The following CRADD variants were observed in gnomAD, a reference collection of about 807,000 sequenced individuals.
CRADD encodes CARD and death domain containing adaptor protein, also known as death domain-containing protein CRADD.
CRADD carries 9 observed loss-of-function variants against 15.5 expected under a neutral mutation model. That is an observed-to-expected ratio of 0.58 (90% confidence interval 0.35 to 1.01). The LOEUF (loss-of-function observed/expected upper bound fraction) is 1.01, where lower values mean the gene tolerates loss of function less well. Ranked by LOEUF, CRADD falls within the 50% of genes least tolerant of loss-of-function variation. The pLI is 0.02. For synonymous variants in CRADD, 118 were observed against 107.6 expected, an observed-to-expected ratio of 1.10 and a Z score of -0.60; for missense variants, 227 against 250.3, an observed-to-expected ratio of 0.91 and a Z score of 0.63.
chr12:93,709,630 A>T (rs1162764315), intron 2 of CRADD, among the ~76,000 whole-genome samples: 3 of 152,228 alleles, frequency 2.0e-5, no homozygotes, highest in Non-Finnish European at 4.4e-5. Flanking sequence ...TCCATGGTGC[A>T]TATGTACCAC....
chr12:93,693,780 G>A (rs1438028016), intron 2 of CRADD, among the ~76,000 whole-genome samples: 4 of 151,940 alleles, frequency 2.6e-5, no homozygotes, highest in African/African-American at 9.7e-5. Context: ...TCCATCCAAT[G>A]GTATCAAGAA....
At chr12:93,831,600 A>G (rs942617730) in intron 2 of CRADD, among the ~76,000 whole-genome samples, 2 of 152,196 alleles carry the variant, frequency 1.3e-5, no homozygotes, top group Non-Finnish European at 2.9e-5. Flanking sequence ...GTTTTAAATT[A>G]CTCTCTTAAA....
intron 2 of CRADD, among the ~76,000 whole-genome samples, chr12:93,703,978 C>CTTTTTTTTTTTTTT (rs71071759): frequency 1.1e-5 from 1 of 90,270 alleles, no homozygotes; most frequent in Non-Finnish European, 2.2e-5. Context: ...TGGAGCCTTT[C>CTTTTTTTTTTTTTT]TTTTTTTTTT....
intron 2 of CRADD, chr12:93,816,051 T>C (rs1198792198): frequency 6.6e-6 from 1 of 152,244 alleles, no homozygotes; most frequent in South Asian, 2.1e-4. Context: ...GAGCCACATA[T>C]GTGGTTTACA....
intron 2 of CRADD, among the ~76,000 whole-genome samples, chr12:93,830,394 G>A (rs1255444456): frequency 6.6e-6 from 1 of 152,152 alleles, no homozygotes; most frequent in Non-Finnish European, 1.5e-5. Context: ...ATAAAAGAAG[G>A]TAGCAGGTAG....
intron 1 of CRADD, 21 bp from the exon 2 acceptor site, chr12:93,678,748 T>A: frequency 6.3e-7 from 1 of 1,599,260 alleles, no homozygotes; most frequent in East Asian, 2.2e-5. Flanking sequence ...TAATTTGAGC[T>A]GTGATTTTGG....
chr12:93,708,147 T>C (rs2136853710), intron 2 of CRADD: 1 of 152,326 alleles, frequency 6.6e-6, no homozygotes, highest in East Asian at 1.9e-4. Context: ...TGCCAGGCCC[T>C]GGGAATACAG....
intron 2 of CRADD, among the ~76,000 whole-genome samples, chr12:93,827,947 A>G (rs982566571): frequency 3.3e-5 from 5 of 152,156 alleles, no homozygotes; most frequent in Admixed American, 6.5e-5. Flanking sequence ...GAGTTTGACT[A>G]TATTAGATAC....
rs370306284 is a variant in CRADD at position 93,717,987 on chromosome 12, GT to G, written c.298+38918del. Among the ~76,000 whole-genome samples, 129 of 152,184 alleles carry G rather than the reference GT, an allele frequency of 8.5e-4. 1 individual carries two copies. The highest frequency in any genetic ancestry group is 2.6e-3 in the African/African-American group (109 of 41,522). ...CCATTGTCAAAGATCACTTAACTTTGTTTATGTGAGTTTAGTTTTGGGTTCT... is the reference window on the plus strand; with the variant it reads ...CCATTGTCAAAGATCACTTAACTTTGTTATGTGAGTTTAGTTTTGGGTTCT... On this transcript the variant is annotated intron_variant, in intron 2 of 2. Transcript: ENST00000332896.
intron 2 of CRADD, among the ~76,000 whole-genome samples, chr12:93,727,282 C>T (rs1956385321): frequency 1.3e-5 from 2 of 152,192 alleles, no homozygotes; most frequent in Non-Finnish European, 2.9e-5. Flanking sequence ...CCTTCTTCCT[C>T]CATGCCTGGC....
intron 2 of CRADD, among the ~76,000 whole-genome samples, chr12:93,875,809 T>A (rs1245830544): frequency 6.6e-6 from 1 of 152,166 alleles, no homozygotes; most frequent in Non-Finnish European, 1.5e-5. Context: ...TATTGGTTCA[T>A]CATTTAGTCT....
intron 2 of CRADD, among the ~76,000 whole-genome samples, chr12:93,751,030 C>T (rs1956823041): frequency 6.6e-6 from 1 of 152,176 alleles, no homozygotes; most frequent in African/African-American, 2.4e-5. Context: ...GGTAACTTGC[C>T]TGTGTCTACT....
chr12:93,844,223 A>G (rs1360860947), intron 2 of CRADD, among the ~76,000 whole-genome samples: 1 of 152,230 alleles, frequency 6.6e-6, no homozygotes, highest in Non-Finnish European at 1.5e-5. Context: ...TTTGAGAAGT[A>G]GTAGCCAGAT....
rs114720531 is a variant in CRADD, at chr12:93,801,814, C to T, written c.299-48156C>T. 5.3e-3 allele frequency among the ~76,000 whole-genome samples: 813 copies of T among 152,274 alleles called. 7 individuals are homozygous for T. Among genetic ancestry groups the T allele is most frequent in the African/African-American group, 0.019 (774 of 41,552 alleles). On this transcript the variant is annotated intron_variant, in intron 2 of 2. Coordinates refer to ENST00000332896, the MANE Select transcript of CRADD (RefSeq NM_003805.5). ...GTGCACCCGTCACTTGAGCAGGGTA[C>T]ACTGTATCCAGTATGTTGTCTTTTA...
At chr12:93,731,717 C>T (rs1170069699) in intron 2 of CRADD, among the ~76,000 whole-genome samples, 2 of 152,164 alleles carry the variant, frequency 1.3e-5, no homozygotes. Context: ...TATAGCTTAA[C>T]GAGTATAGCT....
At chr12:93,729,602 A>G (rs374877619) in intron 2 of CRADD, among the ~76,000 whole-genome samples, 1 of 152,102 alleles carries the variant, frequency 6.6e-6, no homozygotes, top group South Asian at 2.1e-4. Context: ...CCTGACCAAC[A>G]TGGAGAAACC....
At chr12:93,744,004 G>T (rs976166639) in intron 2 of CRADD, among the ~76,000 whole-genome samples, 4 of 152,082 alleles carry the variant, frequency 2.6e-5, no homozygotes, top group African/African-American at 9.7e-5. Context: ...ACTCTTATGT[G>T]CTCATTTTTG....
chr12:93,768,854 A>G (rs1230197294), intron 2 of CRADD, among the ~76,000 whole-genome samples: 1 of 152,164 alleles, frequency 6.6e-6, no homozygotes, highest in Non-Finnish European at 1.5e-5. Context: ...CACCAGAGAT[A>G]ATAGCTACTT....
intron 2 of CRADD, among the ~76,000 whole-genome samples, chr12:93,832,078 T>A (rs1354420799): frequency 6.6e-6 from 1 of 152,236 alleles, no homozygotes; most frequent in East Asian, 1.9e-4. Context: ...AACTTGATGA[T>A]ATCACATTTA....
Sources: gnomAD v4.1 joint callset for allele counts (sites outside exome capture counted in the v4.1 genomes callset) on GRCh38, gnomAD v4.1.1 for gene constraint, MANE v1.5 for transcripts, NCBI Gene and HGNC (gene_info 2026-07-23, HGNC 2026-07-21) for gene names.